The following OR52K1 variants were observed in gnomAD, a reference collection of about 807,000 sequenced individuals.
OR52K1 encodes the protein olfactory receptor family 52 subfamily K member 1.
A neutral mutation model predicts 8.7 loss-of-function variants in OR52K1; 10 were observed. The observed-to-expected ratio is 1.15, with a 90% CI of 0.71 to 1.95. The LOEUF (loss-of-function observed/expected upper bound fraction) is 1.95, where lower values mean the gene tolerates loss of function less well. OR52K1 is among the 30% of genes most tolerant of loss of function. The pLI is 0.00. For missense variants in OR52K1, 431 were observed against 397.2 expected (o/e 1.08, Z -0.72); for synonymous variants, 203 against 148.5 (o/e 1.37, Z -2.67).
At chr11:4,484,823 A>C (rs1314402488) in intron 1 of OR52K1, among the ~76,000 whole-genome samples, 1 of 106,862 alleles carries the variant, frequency 9.4e-6, no homozygotes, top group Non-Finnish European at 1.9e-5. Context: ...CTTCTGTTCT[A>C]AAACACACAG....
In OR52K1 at chr11:4,489,470, G is replaced by A. The variant is rs760735496; in HGVS notation, c.570G>A (p.Ala190=). Residue 190 remains alanine, a synonymous_variant, in exon 2 of 2, where the codon GCG becomes GCA. Coordinates refer to ENST00000641528, the MANE Select transcript of OR52K1 (RefSeq NM_001005171.3). ...AACACATGGCTGTGGTAAGGCTGGC[G>A]TGTGGGGACACTAGCTTCAACAATA... ...YCEHMAVVRL[A]CGDTSFNNIY... is the part of the protein sequence containing the mutation. The A allele has an allele frequency of 2.5e-5, 41 of 1,614,112 alleles. No homozygotes were observed. Among genetic ancestry groups the A allele is most frequent in the East Asian group, 1.1e-4 (5 of 44,896 alleles).
At chr11:4,483,263 C>G (rs181388598) in intron 1 of OR52K1, 87 bp downstream of exon 1, 149 of 398,262 alleles carry the variant, frequency 3.7e-4, no homozygotes, top group South Asian at 8.9e-4. Context: ...TTGTCTGGTT[C>G]TAAGTTTTTC....
chr11:4,486,294 C>T (rs1479469375), intron 1 of OR52K1, among the ~76,000 whole-genome samples: 5 of 152,186 alleles, frequency 3.3e-5, no homozygotes, highest in Admixed American at 6.5e-5. Context: ...AAAAGTTCCC[C>T]TCTTCTGTGT....
Position 4,489,495 on chromosome 11 carries a change from A to G in OR52K1, c.595A>G (p.Ile199Val), listed in dbSNP as rs775577594. 6.2e-7 allele frequency: 1 copy of G among 1,614,160 alleles called. No homozygotes were observed. Among genetic ancestry groups the G allele is most frequent in the South Asian group, 1.1e-5 (1 of 91,082 alleles). Residue 199 changes from isoleucine (I) to valine (V), a missense_variant, in exon 2 of 2, where the codon ATC becomes GTC. Ile to Val is a conservative substitution (Grantham distance 29). Coordinates refer to ENST00000641528, the MANE Select transcript of OR52K1 (RefSeq NM_001005171.3). The part of the protein sequence containing the change: ...LACGDTSFNN[I>V]YGIAVAMFIV... Reference sequence around the variant, plus strand: ...GTGTGGGGACACTAGCTTCAACAATATCTATGGCATTGCTGTGGCCATGTT... The same window carrying G: ...GTGTGGGGACACTAGCTTCAACAATGTCTATGGCATTGCTGTGGCCATGTT...
Position 4,488,732 on chromosome 11 carries a change from T to G in OR52K1, c.-169T>G. The G allele has an allele frequency of 3.3e-6, 2 of 599,080 alleles. No individual in the cohort carries two copies. The highest frequency in any genetic ancestry group is 5.9e-6 in the Non-Finnish European group (2 of 337,430). The allele number at this position is 599,080 out of a possible 1,614,324, so 37.1% of individuals were successfully genotyped here. A position where few individuals can be genotyped will look rare whatever the true frequency, so the allele number is the denominator to read the frequency against. On this transcript the variant is annotated 5_prime_UTR_variant, in exon 2 of 2. An upstream start codon of the reference 5' UTR is lost. Transcript: ENST00000641528. ...AGAAAATATGGATTATACTTCTCCATGTCTATGAAGGCTGCTAGGTTATTT... is the reference window on the plus strand; with the variant it reads ...AGAAAATATGGATTATACTTCTCCAGGTCTATGAAGGCTGCTAGGTTATTT...
Position 4,482,993 on chromosome 11 carries a change from A to T in OR52K1, c.-512A>T, listed in dbSNP as rs780739820. The T allele has an allele frequency of 2.5e-6, 1 of 395,554 alleles. No individual in the cohort carries two copies. The highest frequency in any genetic ancestry group is 4.5e-6 in the Non-Finnish European group (1 of 224,458). The allele number at this position is 395,554 out of a possible 1,614,324, so 24.5% of individuals were successfully genotyped here. A position where few individuals can be genotyped will look rare whatever the true frequency, so the allele number is the denominator to read the frequency against. On this transcript the variant is annotated 5_prime_UTR_variant, in exon 1 of 2. It removes an upstream start codon present in the reference 5' UTR. Coordinates refer to ENST00000641528, the MANE Select transcript of OR52K1 (RefSeq NM_001005171.3). ...CACAGAGGATGCCTGCTTCCGTCCT[A>T]TGCCAAACACTGTGGGCCATCTCCA... is the stretch of plus-strand genomic sequence containing the variant.
intron 1 of OR52K1, among the ~76,000 whole-genome samples, chr11:4,484,117 A>T (rs568218934): frequency 6.6e-6 from 1 of 152,316 alleles, no homozygotes; most frequent in African/African-American, 2.4e-5. Flanking sequence ...TGTTTTATTT[A>T]GTGAAATGTT....
chr11:4,492,799 A>T lies in OR52K1; in HGVS notation c.*2954A>T. 1 of 168,200 alleles carries T rather than the reference A, an allele frequency of 5.9e-6. No individual in the cohort carries two copies. The highest frequency in any genetic ancestry group is 1.2e-5 in the Non-Finnish European group (1 of 80,676). The allele number at this position is 168,200 out of a possible 1,614,324, so 10.4% of individuals were successfully genotyped here. On this transcript the variant is annotated 3_prime_UTR_variant, in exon 2 of 2. Transcript: ENST00000641528. ...TTCCCCTTGTGTGCAGAGATGAGAGATCATAGAAATAAAGACAAAAGATAA... is the reference window on the plus strand; with the variant it reads ...TTCCCCTTGTGTGCAGAGATGAGAGTTCATAGAAATAAAGACAAAAGATAA...
chr11:4,488,612 A>T lies in OR52K1; in HGVS notation c.-289A>T. On this transcript the variant is annotated 5_prime_UTR_variant, in exon 2 of 2. Transcript: ENST00000641528. ...ACCAAGAACACAGAAAACACTACAT[A>T]TACTCCATTCCTTTATGAAAGTTGT... The T allele has an allele frequency of 2.7e-6, 1 of 370,070 alleles. No individual in the cohort carries two copies. Among genetic ancestry groups the T allele is most frequent in the South Asian group, 4.0e-5 (1 of 25,226 alleles). The allele number at this position is 370,070 out of a possible 1,614,324, so 22.9% of individuals were successfully genotyped here.
intron 1 of OR52K1, among the ~76,000 whole-genome samples, chr11:4,483,967 G>C (rs1411181481): frequency 6.6e-6 from 1 of 152,188 alleles, no homozygotes; most frequent in Non-Finnish European, 1.5e-5. Flanking sequence ...TCTGATGCAG[G>C]TAACAAAGTA....
Position 4,489,736 on chromosome 11 carries a change from C to G in OR52K1, c.836C>G (p.Ala279Gly), listed in dbSNP as rs1387185927. 1 of 1,614,092 alleles carries G rather than the reference C, an allele frequency of 6.2e-7. No homozygotes were observed. The highest frequency in any genetic ancestry group is 8.5e-7 in the Non-Finnish European group (1 of 1,180,030). The change falls in exon 2 of 2, where the codon GCT becomes GGT. Residue 279 changes from alanine to glycine, a missense_variant. Coordinates refer to ENST00000641528, the MANE Select transcript of OR52K1 (RefSeq NM_001005171.3). ...HAAPRVHILL[A>G]IFYLLFPPMV... ...GCCCCTCGTGTCCACATACTCCTTG[C>G]TATTTTCTATCTCCTTTTCCCACCC...
At position 4,487,284 on chromosome 11, in the gene OR52K1, A is replaced by G. The variant is rs531425475; in HGVS notation, c.-328-1289A>G. Among the ~76,000 whole-genome samples, 43 of 152,360 alleles carry G rather than the reference A, an allele frequency of 2.8e-4. 1 individual carries two copies. The South Asian group carries it at 5.2e-3, about 18-fold the overall frequency. On this transcript the variant is annotated intron_variant, in intron 1 of 1. Transcript: ENST00000641528. ...AGTAACAGTTCTACAGAAGAGAAAT[A>G]TAAGTGACAAAGCTCTGCACACTAA... is the stretch of plus-strand genomic sequence containing the variant.
At position 4,489,515 on chromosome 11, in the gene OR52K1, C is replaced by T; in HGVS notation, c.615C>T (p.Ala205=). 1 of 1,614,206 alleles carries T rather than the reference C, an allele frequency of 6.2e-7. No individual in the cohort carries two copies. Among genetic ancestry groups the T allele is most frequent in the Non-Finnish European group, 8.5e-7 (1 of 1,180,038 alleles). The change falls in exon 2 of 2, where the codon GCC becomes GCT. Residue 205 remains alanine (A), a synonymous_variant. Coordinates refer to ENST00000641528, the MANE Select transcript of OR52K1 (RefSeq NM_001005171.3). ...ACAATATCTATGGCATTGCTGTGGC[C>T]ATGTTTATTGTGGTGTTGGACCTGC... ...SFNNIYGIAV[A]MFIVVLDLLF... is the part of the protein sequence containing the mutation.
rs1383400323 is a variant in OR52K1, at chr11:4,490,386, C to T, written c.*541C>T. 1 of 153,422 alleles carries T rather than the reference C, an allele frequency of 6.5e-6. No individual in the cohort carries two copies. Among genetic ancestry groups the T allele is most frequent in the Non-Finnish European group, 1.5e-5 (1 of 68,882 alleles). The allele number at this position is 153,422 out of a possible 1,614,324, so 9.5% of individuals were successfully genotyped here. A position where few individuals can be genotyped will look rare whatever the true frequency, so the allele number is the denominator to read the frequency against. The stretch of plus-strand genomic sequence containing the variant: ...CCATTTATAAGTAGATCTATTTCTT[C>T]CATTAAGTCAATTCCTCTTTTACTT... On this transcript the variant is annotated 3_prime_UTR_variant, in exon 2 of 2. Coordinates refer to ENST00000641528, the MANE Select transcript of OR52K1 (RefSeq NM_001005171.3).
chr11:4,485,486 A>G (rs1437069069), intron 1 of OR52K1, among the ~76,000 whole-genome samples: 1 of 152,130 alleles, frequency 6.6e-6, no homozygotes, highest in Non-Finnish European at 1.5e-5. Flanking sequence ...AGCAGCTCCT[A>G]TCAGTGGTTT....
In OR52K1 at chr11:4,490,599, T is replaced by TG. The variant is rs1329909430; in HGVS notation, c.*755dup. 1 of 152,154 alleles carries TG rather than the reference T, an allele frequency of 6.6e-6. No individual in the cohort carries two copies. Among genetic ancestry groups the TG allele is most frequent in the East Asian group, 1.9e-4 (1 of 5,196 alleles). The allele number at this position is 152,154 out of a possible 1,614,324, so 9.4% of individuals were successfully genotyped here. On this transcript the variant is annotated 3_prime_UTR_variant, in exon 2 of 2. Transcript: ENST00000641528. Reference sequence around the variant, plus strand: ...AATACTATCTTTGAACTATGAACCATGAAAAGAGAAATAACACCCTTCCCT... The same window carrying TG: ...AATACTATCTTTGAACTATGAACCATGGAAAAGAGAAATAACACCCTTCCCT...
At chr11:4,487,012 G>C (rs964213086) in intron 1 of OR52K1, among the ~76,000 whole-genome samples, 3 of 139,830 alleles carry the variant, frequency 2.1e-5, no homozygotes, top group African/African-American at 8.5e-5. Flanking sequence ...CGGTCCAGTT[G>C]CATGAAGCCA....
At position 4,488,822 on chromosome 11, in the gene OR52K1, C is replaced by CT; in HGVS notation, c.-78dup. The CT allele has an allele frequency of 2.0e-6, 2 of 1,014,490 alleles. No homozygotes were observed. The highest frequency in any genetic ancestry group is 4.8e-5 in the East Asian group (2 of 42,096). The allele number at this position is 1,014,490 out of a possible 1,614,324, so 62.8% of individuals were successfully genotyped here. On this transcript the variant is annotated 5_prime_UTR_variant, in exon 2 of 2. Coordinates refer to ENST00000641528, the MANE Select transcript of OR52K1 (RefSeq NM_001005171.3). ...CAGGTGGGATAGCACAGGTTGAACT[C>CT]TAATCATATATACTGTAGAAGGTAT...
chr11:4,492,234 A>G lies in OR52K1; in HGVS notation c.*2389A>G, dbSNP rs963786803. The G allele has an allele frequency of 6.6e-6, 1 of 152,132 alleles. No individual in the cohort carries two copies. Among genetic ancestry groups the G allele is most frequent in the African/African-American group, 2.4e-5 (1 of 41,418 alleles). 9.4% of individuals were successfully genotyped at this position (152,132 alleles called of 1,614,324 possible). A position where few individuals can be genotyped will look rare whatever the true frequency, so the allele number is the denominator to read the frequency against. On this transcript the variant is annotated 3_prime_UTR_variant, in exon 2 of 2. Coordinates refer to ENST00000641528, the MANE Select transcript of OR52K1 (RefSeq NM_001005171.3). ...ACAAAGCCAAAGTCCACCCACAATGAGTAAGAAGTGTAAATGAGAAATTGT... is the reference window on the plus strand; with the variant it reads ...ACAAAGCCAAAGTCCACCCACAATGGGTAAGAAGTGTAAATGAGAAATTGT...
Sources: allele counts gnomAD v4.1 joint callset (sites outside exome capture counted in the v4.1 genomes callset), GRCh38; gene constraint gnomAD v4.1.1; transcripts MANE v1.5; gene names NCBI Gene and HGNC (gene_info 2026-07-23, HGNC 2026-07-21).